Variants in BBS2 observed in about 807,000 individuals in gnomAD.
The protein encoded by BBS2 is BBSome complex member BBS2.
Under a neutral mutation model 83.0 loss-of-function variants are expected in BBS2, and 62 were observed. That is an observed-to-expected ratio of 0.75 (90% CI 0.61 to 0.92). The LOEUF is 0.92. BBS2 is among the 40% of genes least tolerant of loss of function. The probability of loss-of-function intolerance (pLI) is 0.00; values close to 1 mark genes in which losing one functional copy is unlikely to be tolerated. For synonymous variants in BBS2, 303 were observed against 326.1 expected, an observed-to-expected ratio of 0.93 and a Z score of 0.76; for missense variants, 784 against 901.0, an observed-to-expected ratio of 0.87 and a Z score of 1.66.
intron 17 of BBS2, among the ~76,000 whole-genome samples, chr16:56,471,197 C>CAAA (rs61143039): frequency 1.5e-5 from 2 of 132,934 alleles, no homozygotes; most frequent in Admixed American, 7.7e-5. Flanking sequence ...ACTAAAAATA[C>CAAA]AAAAAAAAAA....
At chr16:56,515,969 G>A (rs774078035) in intron 1 of BBS2, 1 of 152,242 alleles carries the variant, frequency 6.6e-6, no homozygotes, top group Non-Finnish European at 1.5e-5. Context: ...TAACAGTTCT[G>A]AACAAACCAA....
chr16:56,517,832 T>A (rs1443921354), intron 1 of BBS2, among the ~76,000 whole-genome samples: 1 of 151,986 alleles, frequency 6.6e-6, no homozygotes, highest in Non-Finnish European at 1.5e-5. Flanking sequence ...TTTTTTTTTT[T>A]TTTTTGAGAC....
At chr16:56,470,921 C>T (rs1963141243) in intron 17 of BBS2, 1 of 862,390 alleles carries the variant, frequency 1.2e-6, no homozygotes, top group Non-Finnish European at 1.8e-6. Flanking sequence ...AAGGACAAAA[C>T]AGACAAGGTC....
intron 5 of BBS2, 114 bp from the exon 6 acceptor site, chr16:56,506,338 A>G (rs1484316842): frequency 9.9e-6 from 8 of 811,366 alleles, no homozygotes; most frequent in Non-Finnish European, 1.0e-5. Flanking sequence ...AATTAGATTT[A>G]AAAGCGCTTC....
chr16:56,519,931 C>CAAGAAGTG lies in BBS2; in HGVS notation c.-70_-69insCACTTCTT. The CAAGAAGTG allele has an allele frequency of 7.2e-7, 1 of 1,398,428 alleles. No individual in the cohort carries two copies. Among genetic ancestry groups the CAAGAAGTG allele is most frequent in the Non-Finnish European group, 1.0e-6 (1 of 989,848 alleles). The allele number at this position is 1,398,428 out of a possible 1,614,324, so 86.6% of individuals were successfully genotyped here. ...GCGCAGCGGAGCTGGCCTCACGCGC[C>CAAGAAGTG]CGGGCAAGAAGTGCAGGGACACTAC... On this transcript the variant is annotated 5_prime_UTR_variant, in exon 1 of 17. Coordinates refer to ENST00000245157, the MANE Select transcript of BBS2 (RefSeq NM_031885.5).
chr16:56,473,208 G>C (rs907678817), intron 17 of BBS2, among the ~76,000 whole-genome samples: 7 of 152,120 alleles, frequency 4.6e-5, no homozygotes, highest in Admixed American at 1.3e-4. Context: ...GGGATTACAG[G>C]AGTGAGCCAC....
intron 15 of BBS2, among the ~76,000 whole-genome samples, chr16:56,489,697 G>A (rs563197343): frequency 6.6e-6 from 1 of 152,216 alleles, no homozygotes; most frequent in South Asian, 2.1e-4. Flanking sequence ...CTACTCGGGA[G>A]GCTGAAGCAG....
intron 17 of BBS2, among the ~76,000 whole-genome samples, chr16:56,479,256 T>C (rs1963598896): frequency 6.6e-6 from 1 of 152,180 alleles, no homozygotes; most frequent in Non-Finnish European, 1.5e-5. Flanking sequence ...GCAGATTACC[T>C]GAGGTCAGGA....
In BBS2 at chr16:56,510,064, T is replaced by G. The variant is rs113494877; in HGVS notation, c.535-30A>C. On this transcript the variant is annotated intron_variant, in intron 4 of 16. Transcript: ENST00000245157. The stretch of plus-strand genomic sequence containing the variant: ...AGGGGAAATATCATACATGTTCAGG[T>G]GAGTAAGTGCAAACAACAAAATTTC... The G allele has an allele frequency of 5.9e-5, 95 of 1,605,974 alleles. 1 individual carries two copies. In the African/African-American group the frequency reaches 9.2e-4, roughly 16 times the overall value.
chr16:56,476,306 C>A, intron 17 of BBS2: 1 of 1,118,756 alleles, frequency 8.9e-7, no homozygotes, highest in Non-Finnish European at 1.3e-6. Context: ...GGTAGCTTGC[C>A]TGACAGTGTT....
chr16:56,476,313 T>C (rs1334527808), intron 17 of BBS2: 2 of 1,065,834 alleles, frequency 1.9e-6, no homozygotes, highest in Non-Finnish European at 2.7e-6. Flanking sequence ...TGCCTGACAG[T>C]GTTCTTAAAA....
chr16:56,504,541 C>A (rs1334902322), intron 7 of BBS2, among the ~76,000 whole-genome samples: 2 of 152,166 alleles, frequency 1.3e-5, no homozygotes, highest in African/African-American at 4.8e-5. Flanking sequence ...CAAGTTGGAT[C>A]TGTATATTTC....
At chr16:56,496,347 AG>A (rs1229870222) in intron 15 of BBS2, among the ~76,000 whole-genome samples, 2 of 152,224 alleles carry the variant, frequency 1.3e-5, no homozygotes, top group African/African-American at 4.8e-5. Context: ...GACTTCAGAC[AG>A]GAAGTTTCCC....
chr16:56,518,693 C>T (rs1964821487), intron 1 of BBS2, among the ~76,000 whole-genome samples: 1 of 152,236 alleles, frequency 6.6e-6, no homozygotes, highest in African/African-American at 2.4e-5. Flanking sequence ...AGCGTTGTCA[C>T]TACATTCCAT....
chr16:56,501,166 TG>T (rs1377900668), intron 10 of BBS2, 141 bp from the exon 11 acceptor site: 5 of 1,279,518 alleles, frequency 3.9e-6, no homozygotes, highest in Non-Finnish European at 5.6e-6. Flanking sequence ...AAAAATTAGC[TG>T]GGCGTGGTGG....
chr16:56,487,260 AAGAG>A (rs1357716607), intron 15 of BBS2, among the ~76,000 whole-genome samples: 1 of 152,110 alleles, frequency 6.6e-6, no homozygotes, highest in Non-Finnish European at 1.5e-5. Flanking sequence ...TTTTTGACTT[AAGAG>A]AGAGATAGAG....
intron 17 of BBS2, chr16:56,470,760 C>T: frequency 6.2e-7 from 1 of 1,603,240 alleles, no homozygotes; most frequent in Non-Finnish European, 8.5e-7. Context: ...AGCAGACAGA[C>T]CCAGAGCCAG....
At chr16:56,484,367 TAATC>T, downstream of BBS2, 1 of 185,456 alleles carries the variant, frequency 5.4e-6, no homozygotes, top group Non-Finnish European at 1.1e-5. Flanking sequence ...GGTGATTTTA[TAATC>T]AATCAACACA....
At chr16:56,515,111 C>A (rs1304044314) in intron 1 of BBS2, among the ~76,000 whole-genome samples, 1 of 151,660 alleles carries the variant, frequency 6.6e-6, no homozygotes, top group Admixed American at 6.6e-5. Flanking sequence ...CCTAATGAAT[C>A]ACTTCCTAGA....
Sources: gnomAD v4.1 joint callset for allele counts (sites outside exome capture counted in the v4.1 genomes callset) on GRCh38, gnomAD v4.1.1 for gene constraint, MANE v1.5 for transcripts, NCBI Gene and HGNC (gene_info 2026-07-23, HGNC 2026-07-21) for gene names.